EGF: variants seen among roughly 807,000 people sequenced by gnomAD.
The protein encoded by EGF is epidermal growth factor, also known as pro-epidermal growth factor.
Under a neutral mutation model 143.8 loss-of-function variants are expected in EGF, and 95 were observed. The ratio of observed to expected loss-of-function variants is 0.66; its 90% CI spans 0.56 to 0.78. EGF has a LOEUF of 0.78. Among genes scored for constraint, EGF ranks in the 30% least tolerant of loss-of-function variants. The probability of loss-of-function intolerance (pLI) is 0.00; values close to 1 mark genes in which losing one functional copy is unlikely to be tolerated. For missense variants in EGF, 1,320 were observed against 1,470.9 expected, an observed-to-expected ratio of 0.90 and a Z score of 1.68; for synonymous variants, 510 against 510.5, an observed-to-expected ratio of 1.00 and a Z score of 0.01.
chr4:109,938,883 C>A (rs1308118581), intron 1 of EGF, among the ~76,000 whole-genome samples: 1 of 152,196 alleles, frequency 6.6e-6, no homozygotes, highest in Non-Finnish European at 1.5e-5. Context: ...CTGATTCTTC[C>A]TCTGGAAGCT....
Position 109,999,084 on chromosome 4 carries a change from C to CTCTCAT in EGF, c.3006-593_3006-588dup, listed in dbSNP as rs1752207893. Reference sequence around the variant, plus strand: ...CCCTTTTTCCTCCATATAGCTTTTTCTCTCATTGAAGAAAATAGGCAAATG... The same window carrying CTCTCAT: ...CCCTTTTTCCTCCATATAGCTTTTTCTCTCATTCTCATTGAAGAAAATAGGCAAATG... On this transcript the variant is annotated intron_variant, in intron 20 of 23. Transcript: ENST00000265171. Among the ~76,000 whole-genome samples, 11 of 152,246 alleles carry CTCTCAT rather than the reference C, an allele frequency of 7.2e-5. No homozygotes were observed. The South Asian group carries it at 2.1e-3, about 29-fold the overall frequency.
At chr4:109,984,792 T>C (rs1215762534) in intron 16 of EGF, among the ~76,000 whole-genome samples, 1 of 152,174 alleles carries the variant, frequency 6.6e-6, no homozygotes, top group Non-Finnish European at 1.5e-5. Flanking sequence ...CCAAAGGTTT[T>C]TGAAAATTAT....
rs766285974 is a variant in EGF, at chr4:109,980,907, G to A, written c.2303G>A (p.Arg768His). 2.9e-5 allele frequency: 47 copies of A among 1,613,972 alleles called. No homozygotes were observed. The highest frequency in any genetic ancestry group is 3.2e-5 in the Non-Finnish European group (38 of 1,179,992). The change falls in exon 15 of 24, where the codon CGT becomes CAT. Residue 768 changes from arginine to histidine, a missense_variant. Physicochemically the swap from Arg to His is conservative, Grantham distance 29. Coordinates refer to ENST00000265171, the MANE Select transcript of EGF (RefSeq NM_001963.6). The stretch of plus-strand genomic sequence containing the variant: ...CTTGGAACTGCTTGGTGTTCGTGTC[G>A]TGAAGGTTTTATGAAAGCCTCAGAT... ...KRLGTAWCSCREGFMKASDGK... is the reference protein window; with the variant it reads ...KRLGTAWCSCHEGFMKASDGK...
intron 1 of EGF, among the ~76,000 whole-genome samples, chr4:109,920,379 C>T (rs1005862406): frequency 1.3e-5 from 2 of 151,540 alleles, no homozygotes; most frequent in Non-Finnish European, 2.9e-5. Flanking sequence ...CATTGGAGAG[C>T]GTTTTCAAAA....
intron 10 of EGF, 72 bp downstream of exon 10, chr4:109,964,609 G>A: frequency 1.3e-6 from 2 of 1,598,948 alleles, no homozygotes; most frequent in Non-Finnish European, 1.7e-6. Flanking sequence ...CCTAACAAAT[G>A]ACCTGGCCTA....
At chr4:109,997,081 G>A (rs569642107) in intron 20 of EGF, among the ~76,000 whole-genome samples, 1 of 152,118 alleles carries the variant, frequency 6.6e-6, no homozygotes, top group East Asian at 1.9e-4. Context: ...AGTTTTTAAG[G>A]ACAGCTTGGT....
chr4:109,919,331 C>CA (rs1278686330), intron 1 of EGF, among the ~76,000 whole-genome samples: 3 of 144,280 alleles, frequency 2.1e-5, no homozygotes, highest in Non-Finnish European at 3.0e-5. Context: ...CTCTCTCTCT[C>CA]TCTCTCTCTC....
At chr4:109,969,319 AT>A (rs1387007575) in intron 11 of EGF, among the ~76,000 whole-genome samples, 200 bp downstream of exon 11, 2 of 152,010 alleles carry the variant, frequency 1.3e-5, no homozygotes, top group Non-Finnish European at 2.9e-5. Context: ...GCGTGGGAGG[AT>A]TTTGAAGGCC....
intron 5 of EGF, among the ~76,000 whole-genome samples, chr4:109,947,937 G>A (rs923970010): frequency 6.6e-6 from 1 of 152,158 alleles, no homozygotes; most frequent in Non-Finnish European, 1.5e-5. Flanking sequence ...TGATCACATA[G>A]CTAGTTAATG....
chr4:109,963,913 G>A (rs1746120917), intron 9 of EGF, among the ~76,000 whole-genome samples: 2 of 152,120 alleles, frequency 1.3e-5, no homozygotes, highest in South Asian at 4.1e-4. Flanking sequence ...ACTTCTCAGG[G>A]CCTTCATTAA....
At chr4:109,965,954 G>GT (rs1746489506) in intron 10 of EGF, among the ~76,000 whole-genome samples, 1 of 151,836 alleles carries the variant, frequency 6.6e-6, no homozygotes. Context: ...ATTATTGATT[G>GT]TAAGTTTATG....
In EGF at chr4:109,974,789, C is replaced by T. The variant is rs1748219514; in HGVS notation, c.1811C>T (p.Ala604Val). 1 of 1,613,162 alleles carries T rather than the reference C, an allele frequency of 6.2e-7. No homozygotes were observed. The highest frequency in any genetic ancestry group is 8.5e-7 in the Non-Finnish European group (1 of 1,179,334). The change falls in exon 12 of 24, where the codon GCT becomes GTT. Residue 604 changes from alanine to valine, a missense_variant. Physicochemically the swap from Ala to Val is moderately conservative, Grantham distance 64. Coordinates refer to ENST00000265171, the MANE Select transcript of EGF (RefSeq NM_001963.6). ...KENISQPRGI[A>V]VHPMAKRLFW... ...AACATCTCTCAACCACGAGGAATTG[C>T]TGTTCATCCAATGGCCAAGTAGGTA...
At chr4:109,963,144 G>T (rs1362546528) in intron 8 of EGF, 29 bp from the exon 9 acceptor site, 2 of 1,612,542 alleles carry the variant, frequency 1.2e-6, no homozygotes, top group South Asian at 1.1e-5. Context: ...GGATGACGTA[G>T]CATCATTACT....
Position 109,913,310 on chromosome 4 carries a change from T to C in EGF, c.-26T>C. Reference sequence around the variant, plus strand: ...CTCCAGCAAAATCAAGCTGTTTTCTTTTGAAAGTTCAAACTCATCAAGATT... The same window carrying C: ...CTCCAGCAAAATCAAGCTGTTTTCTCTTGAAAGTTCAAACTCATCAAGATT... On this transcript the variant is annotated 5_prime_UTR_variant, in exon 1 of 24. Transcript: ENST00000265171. The C allele has an allele frequency of 6.2e-7, 1 of 1,612,924 alleles. No homozygotes were observed. Among genetic ancestry groups the C allele is most frequent in the Non-Finnish European group, 8.5e-7 (1 of 1,179,276 alleles).
intron 16 of EGF, among the ~76,000 whole-genome samples, chr4:109,986,544 C>G (rs1019064789): frequency 6.6e-6 from 1 of 152,148 alleles, no homozygotes; most frequent in African/African-American, 2.4e-5. Flanking sequence ...CCACCTGAAT[C>G]CTACTTAGAT....
At chr4:109,988,790 G>A (rs1354675551) in intron 18 of EGF, 81 bp downstream of exon 18, 1 of 1,597,700 alleles carries the variant, frequency 6.3e-7, no homozygotes, top group Non-Finnish European at 8.5e-7. Context: ...TGAGCAGAGG[G>A]AAGACAGGAT....
intron 1 of EGF, among the ~76,000 whole-genome samples, chr4:109,936,879 A>G (rs1288753910): frequency 1.3e-5 from 2 of 152,050 alleles, no homozygotes; most frequent in Non-Finnish European, 2.9e-5. Flanking sequence ...CTGAGTTCCA[A>G]TTTGATTGGA....
intron 9 of EGF, 119 bp from the exon 10 acceptor site, chr4:109,964,282 A>T: frequency 7.0e-7 from 1 of 1,429,806 alleles, no homozygotes; most frequent in Non-Finnish European, 9.8e-7. Flanking sequence ...GAGGGAAATT[A>T]AGAAAACAAG....
At chr4:109,968,836 G>A (rs374714241) in intron 10 of EGF, 135 bp from the exon 11 acceptor site, 26 of 1,117,274 alleles carry the variant, frequency 2.3e-5, no homozygotes, top group African/African-American at 3.1e-5. Flanking sequence ...AGCCTAGTTC[G>A]AATTTAGTTG....
Sources: allele counts gnomAD v4.1 joint callset (sites outside exome capture counted in the v4.1 genomes callset), GRCh38; gene constraint gnomAD v4.1.1; transcripts MANE v1.5; gene names NCBI Gene and HGNC (gene_info 2026-07-23, HGNC 2026-07-21).